The following NYAP2 variants were observed in gnomAD, a reference collection of about 807,000 sequenced individuals.
NYAP2 encodes neuronal tyrosine-phosphorylated phosphoinositide-3-kinase adapter 2.
Under a neutral mutation model 50.4 loss-of-function variants are expected in NYAP2, and 23 were observed. The observed-to-expected ratio is 0.46, with a 90% confidence interval of 0.33 to 0.65. The LOEUF (loss-of-function observed/expected upper bound fraction) is 0.65, where lower values mean the gene tolerates loss of function less well. NYAP2 is among the 30% of genes least tolerant of loss of function. The pLI, the probability that NYAP2 is intolerant of heterozygous loss-of-function variation, is 0.02. For synonymous variants in NYAP2, 394 were observed against 365.2 expected (o/e 1.08, Z -0.90); for missense variants, 885 against 861.0 (o/e 1.03, Z -0.35).
At chr2:225,556,162 T>C (rs2106212819) in intron 4 of NYAP2, among the ~76,000 whole-genome samples, 1 of 152,330 alleles carries the variant, frequency 6.6e-6, no homozygotes, top group African/African-American at 2.4e-5. Flanking sequence ...TGTTACCATA[T>C]TGGAAAGCTT....
chr2:225,657,102 C>CTT (rs375126014), downstream of NYAP2, among the ~76,000 whole-genome samples: 4,624 of 100,842 alleles, frequency 0.046, 130 homozygotes, highest in Non-Finnish European at 0.064. Context: ...AATCTAATTC[C>CTT]TTTTTTTTTT....
At chr2:225,638,248 T>C (rs1693460352) in intron 6 of NYAP2, among the ~76,000 whole-genome samples, 1 of 149,896 alleles carries the variant, frequency 6.7e-6, no homozygotes, top group Admixed American at 6.7e-5. Flanking sequence ...GAGAGATGAG[T>C]GTCCATCCAA....
chr2:225,663,145 G>A, the NYAP2 span, among the ~76,000 whole-genome samples: 1 of 152,184 alleles, frequency 6.6e-6, no homozygotes, highest in East Asian at 1.9e-4. Flanking sequence ...CTAGGGAGAA[G>A]CAAGATGGGC....
chr2:225,562,608 G>A (rs1447626817), intron 4 of NYAP2, among the ~76,000 whole-genome samples: 3 of 152,070 alleles, frequency 2.0e-5, no homozygotes, highest in African/African-American at 4.8e-5. Flanking sequence ...TATTTGAAAA[G>A]CATTGTAAGG....
intron 3 of NYAP2, among the ~76,000 whole-genome samples, chr2:225,481,813 A>G (rs1690211310): frequency 6.6e-6 from 1 of 152,134 alleles, no homozygotes; most frequent in Admixed American, 6.6e-5. Context: ...TTCAATAAAT[A>G]TTTTTGATTC....
intron 5 of NYAP2, among the ~76,000 whole-genome samples, chr2:225,595,209 A>G (rs752559491): frequency 2.0e-5 from 3 of 152,208 alleles, no homozygotes; most frequent in Non-Finnish European, 4.4e-5. Context: ...TAAGGATGAA[A>G]AAACAATAGC....
At chr2:225,598,471 AT>A (rs1317489669) in intron 5 of NYAP2, among the ~76,000 whole-genome samples, 1 of 152,194 alleles carries the variant, frequency 6.6e-6, no homozygotes, top group African/African-American at 2.4e-5. Context: ...AAAAAATATG[AT>A]TTGTGAAGTG....
At chr2:225,497,529 A>G (rs958447367) in intron 3 of NYAP2, among the ~76,000 whole-genome samples, 3 of 152,218 alleles carry the variant, frequency 2.0e-5, no homozygotes, top group East Asian at 1.9e-4. Flanking sequence ...GATGTGTCCA[A>G]TAGAAATGTT....
intron 3 of NYAP2, among the ~76,000 whole-genome samples, chr2:225,448,926 C>T (rs1376374096): frequency 2.0e-5 from 3 of 152,110 alleles, no homozygotes; most frequent in African/African-American, 4.8e-5. Context: ...GAAAAGGACA[C>T]GATGTGTTTA....
intron 4 of NYAP2, among the ~76,000 whole-genome samples, chr2:225,525,883 C>T (rs917420071): frequency 3.9e-5 from 6 of 152,176 alleles, no homozygotes; most frequent in African/African-American, 1.4e-4. Flanking sequence ...ACTTCTGTAT[C>T]ATCTTTGGAC....
At chr2:225,647,274 G>A (rs114679978) in intron 6 of NYAP2, among the ~76,000 whole-genome samples, 3,776 of 152,258 alleles carry the variant, frequency 0.025, 176 homozygotes, top group African/African-American at 0.086. Context: ...TGCTTTGCTT[G>A]TTGTTTTATA....
intron 4 of NYAP2, among the ~76,000 whole-genome samples, chr2:225,527,267 T>C (rs769335712): frequency 1.3e-5 from 2 of 152,222 alleles, no homozygotes; most frequent in African/African-American, 2.4e-5. Context: ...GTGTGTCTAT[T>C]GTAATCAGGC....
At chr2:225,443,557 GGTAT>G (rs1468409682) in intron 3 of NYAP2, among the ~76,000 whole-genome samples, 1 of 151,826 alleles carries the variant, frequency 6.6e-6, no homozygotes, top group African/African-American at 2.4e-5. Flanking sequence ...TGATGGTACT[GGTAT>G]GTATATGGTC....
chr2:225,594,676 A>C (rs1389102350), intron 5 of NYAP2, among the ~76,000 whole-genome samples: 1 of 152,252 alleles, frequency 6.6e-6, no homozygotes, highest in Admixed American at 6.5e-5. Flanking sequence ...TAGTTATAAA[A>C]TATTTGAAAA....
chr2:225,520,567 A>C lies in NYAP2; in HGVS notation c.523+6895A>C, dbSNP rs577970847. On this transcript the variant is annotated intron_variant, in intron 4 of 6. Transcript: ENST00000636099. ...TTGCTTGTTTTTCTCAGGTTTGTCA[A>C]AGATCAGATAGTTGTAGATGTGTGG... 2.7e-3 allele frequency among the ~76,000 whole-genome samples: 407 copies of C among 152,326 alleles called. 5 individuals carry two copies. Among genetic ancestry groups the C allele is most frequent in the African/African-American group, 8.9e-3 (369 of 41,548 alleles).
At chr2:225,583,400 G>A (rs1304883654) in intron 5 of NYAP2, among the ~76,000 whole-genome samples, 1 of 152,076 alleles carries the variant, frequency 6.6e-6, no homozygotes, top group African/African-American at 2.4e-5. Context: ...TGGTCTTGGG[G>A]CCTTTGAGTT....
intron 4 of NYAP2, among the ~76,000 whole-genome samples, chr2:225,566,537 A>T (rs1465796792): frequency 6.6e-6 from 1 of 152,242 alleles, no homozygotes; most frequent in Non-Finnish European, 1.5e-5. Flanking sequence ...CCTGGGTTGA[A>T]TCCAAATTAA....
At chr2:225,421,291 T>C (rs2106126952) in intron 3 of NYAP2, among the ~76,000 whole-genome samples, 1 of 152,336 alleles carries the variant, frequency 6.6e-6, no homozygotes, top group Middle Eastern at 3.4e-3. Context: ...CCTGTTAGTA[T>C]ACACAATTTA....
At chr2:225,554,136 TTTTTC>T (rs1691730600) in intron 4 of NYAP2, among the ~76,000 whole-genome samples, 1 of 152,144 alleles carries the variant, frequency 6.6e-6, no homozygotes, top group Non-Finnish European at 1.5e-5. Context: ...AGTATTTTCA[TTTTTC>T]AGTGGCAATA....
Sources: allele counts gnomAD v4.1 joint callset (sites outside exome capture counted in the v4.1 genomes callset), GRCh38; gene constraint gnomAD v4.1.1; transcripts MANE v1.5; gene names NCBI Gene and HGNC (gene_info 2026-07-23, HGNC 2026-07-21).